Variants in C8orf88 observed in about 807,000 individuals in gnomAD.
The protein encoded by C8orf88 is chromosome 8 open reading frame 88.
C8orf88 carries 14 observed loss-of-function variants against 18.4 expected under a neutral mutation model. That is an observed-to-expected ratio of 0.76 (90% CI 0.50 to 1.19). The LOEUF is 1.19. Ranked by LOEUF, C8orf88 falls within the 50% of genes most tolerant of loss-of-function variation. The probability of loss-of-function intolerance (pLI) is 0.00; values close to 1 mark genes in which losing one functional copy is unlikely to be tolerated. For synonymous variants in C8orf88, 45 were observed against 42.9 expected (o/e 1.05, Z -0.19); for missense variants, 116 against 134.7 (o/e 0.86, Z 0.69).
At position 90,980,397 on chromosome 8, in the gene C8orf88, T is replaced by C; in HGVS notation, c.39A>G (p.Pro13=). ...TKKLIGKPLQ[P]ARPVRHLTSP... Reference sequence around the variant, plus strand: ...AAGTCAGATGACGAACAGGTCTTGCTGGTTGAAGCGGTTTACCAATTAATT... The same window carrying C: ...AAGTCAGATGACGAACAGGTCTTGCCGGTTGAAGCGGTTTACCAATTAATT... The change falls in exon 2 of 6, where the codon CCA becomes CCG. Residue 13 remains proline, a synonymous_variant. Coordinates refer to ENST00000517562, the MANE Select transcript of C8orf88 (RefSeq NM_001190972.2). 12 of 1,534,086 alleles carry C rather than the reference T, an allele frequency of 7.8e-6. No homozygotes were observed. The highest frequency in any genetic ancestry group is 1.0e-5 in the Non-Finnish European group (12 of 1,146,064).
intron 5 of C8orf88, 119 bp downstream of exon 5, chr8:90,960,623 G>T: frequency 2.0e-6 from 1 of 509,252 alleles, no homozygotes. Context: ...GTAGTTTTCT[G>T]AATTACTTAT....
chr8:90,965,543 C>A (rs1005555119), intron 4 of C8orf88, among the ~76,000 whole-genome samples: 1 of 151,748 alleles, frequency 6.6e-6, no homozygotes, highest in Admixed American at 6.6e-5. Flanking sequence ...CCAACAACAG[C>A]AGAATATACA....
At position 90,958,926 on chromosome 8, in the gene C8orf88, G is replaced by A; in HGVS notation, c.*81C>T. 1 of 777,654 alleles carries A rather than the reference G, an allele frequency of 1.3e-6. No individual in the cohort carries two copies. Among genetic ancestry groups the A allele is most frequent in the South Asian group, 1.9e-5 (1 of 52,708 alleles). The allele number at this position is 777,654 out of a possible 1,614,324, so 48.2% of individuals were successfully genotyped here. On this transcript the variant is annotated 3_prime_UTR_variant, in exon 6 of 6. Coordinates refer to ENST00000517562, the MANE Select transcript of C8orf88 (RefSeq NM_001190972.2). Reference sequence around the variant, plus strand: ...ATCAAAATTAAGAATAAATTGAATTGTCACAGTCCATTACAGTTATTGTTG... The same window carrying A: ...ATCAAAATTAAGAATAAATTGAATTATCACAGTCCATTACAGTTATTGTTG...
intron 4 of C8orf88, among the ~76,000 whole-genome samples, chr8:90,968,657 C>CATATATATATATATAT (rs34558575): frequency 0.062 from 4,456 of 72,282 alleles, 576 homozygotes; most frequent in Non-Finnish European, 0.082. Flanking sequence ...GAAAAGACAA[C>CATATATATATATATAT]ATATATATAT....
At chr8:90,978,018 T>C (rs1160595243) in intron 3 of C8orf88, among the ~76,000 whole-genome samples, 3 of 152,062 alleles carry the variant, frequency 2.0e-5, no homozygotes, top group African/African-American at 7.2e-5. Context: ...ACTGGTACAA[T>C]GCATCTGGCT....
chr8:90,969,480 TTTAA>T (rs1811254109), intron 4 of C8orf88, among the ~76,000 whole-genome samples: 2 of 151,826 alleles, frequency 1.3e-5, no homozygotes, highest in Admixed American at 6.6e-5. Flanking sequence ...CCTCAATTAT[TTTAA>T]TTGATATAAA....
intron 2 of C8orf88, among the ~76,000 whole-genome samples, chr8:90,979,156 G>A (rs572207219): frequency 1.3e-5 from 2 of 152,108 alleles, no homozygotes; most frequent in African/African-American, 2.4e-5. Flanking sequence ...CCTACTCTGC[G>A]TCTGGATCTT....
intron 4 of C8orf88, among the ~76,000 whole-genome samples, chr8:90,964,343 G>GA (rs1436236620): frequency 6.6e-6 from 1 of 151,650 alleles, no homozygotes; most frequent in Non-Finnish European, 1.5e-5. Context: ...AGAAACTATG[G>GA]ATGTCAGAAG....
Position 90,958,924 on chromosome 8 carries a change from T to C in C8orf88, c.*83A>G, listed in dbSNP as rs984907544. 6 of 754,984 alleles carry C rather than the reference T, an allele frequency of 7.9e-6. No individual in the cohort carries two copies. Among genetic ancestry groups the C allele is most frequent in the Non-Finnish European group, 1.2e-5 (6 of 491,050 alleles). The allele number at this position is 754,984 out of a possible 1,614,324, so 46.8% of individuals were successfully genotyped here. On this transcript the variant is annotated 3_prime_UTR_variant, in exon 6 of 6. Transcript: ENST00000517562. ...CCATCAAAATTAAGAATAAATTGAA[T>C]TGTCACAGTCCATTACAGTTATTGT...
intron 2 of C8orf88, among the ~76,000 whole-genome samples, chr8:90,979,035 A>C (rs1811393670): frequency 6.6e-6 from 1 of 152,238 alleles, no homozygotes; most frequent in South Asian, 2.1e-4. Context: ...TGAATCTAAA[A>C]GAAAACGTAG....
intron 4 of C8orf88, among the ~76,000 whole-genome samples, chr8:90,968,221 G>A (rs929007041): frequency 6.6e-6 from 1 of 151,620 alleles, no homozygotes; most frequent in Non-Finnish European, 1.5e-5. Flanking sequence ...ATAAGGGCAG[G>A]CATATAAAAC....
At chr8:90,961,698 G>A (rs1811129371) in intron 4 of C8orf88, among the ~76,000 whole-genome samples, 1 of 151,260 alleles carries the variant, frequency 6.6e-6, no homozygotes, top group South Asian at 2.1e-4. Context: ...AGGTGGGTAA[G>A]TATAACAGAT....
intron 3 of C8orf88, among the ~76,000 whole-genome samples, chr8:90,971,971 T>G (rs112109472): frequency 0.013 from 2,007 of 152,202 alleles, 37 homozygotes; most frequent in African/African-American, 0.046. Context: ...TTTTACAAAC[T>G]TGGTTAATAC....
At chr8:90,966,350 T>C (rs1811196552) in intron 4 of C8orf88, among the ~76,000 whole-genome samples, 1 of 94,824 alleles carries the variant, frequency 1.1e-5, no homozygotes, top group South Asian at 4.1e-4. Context: ...TTGGGGACTG[T>C]TGTGGGGTGG....
chr8:90,959,919 CATA>C (rs2130296701), intron 5 of C8orf88, among the ~76,000 whole-genome samples: 1 of 151,476 alleles, frequency 6.6e-6, no homozygotes, highest in African/African-American at 2.4e-5. Flanking sequence ...TTACTAAAAG[CATA>C]ATGAGAGAAA....
intron 1 of C8orf88, among the ~76,000 whole-genome samples, chr8:90,984,694 G>GTT (rs1811480049): frequency 2.0e-5 from 3 of 152,120 alleles, no homozygotes; most frequent in Admixed American, 1.3e-4. Flanking sequence ...TGTCCTTTCC[G>GTT]TAGCTTTGAC....
chr8:90,974,824 C>A (rs1811324500), intron 3 of C8orf88, among the ~76,000 whole-genome samples: 1 of 151,678 alleles, frequency 6.6e-6, no homozygotes, highest in Non-Finnish European at 1.5e-5. Context: ...GTTTACAGTC[C>A]AAACAAAAGT....
intron 3 of C8orf88, among the ~76,000 whole-genome samples, chr8:90,971,731 TATG>T (rs1811286706): frequency 6.8e-6 from 1 of 147,888 alleles, no homozygotes; most frequent in African/African-American, 2.4e-5. Flanking sequence ...AGACCATCTT[TATG>T]ATAAGATTGG....
At chr8:90,985,271 G>A (rs1451363527), upstream of C8orf88, 2 of 143,568 alleles carry the variant, frequency 1.4e-5, no homozygotes, top group African/African-American at 5.2e-5. Flanking sequence ...CGGGGGGCGA[G>A]GGGCGGGGGG....
Sources: gnomAD v4.1 joint callset for allele counts (sites outside exome capture counted in the v4.1 genomes callset) on GRCh38, gnomAD v4.1.1 for gene constraint, MANE v1.5 for transcripts, NCBI Gene and HGNC (gene_info 2026-07-23, HGNC 2026-07-21) for gene names.